The following NAV2 variants were observed in gnomAD, a reference collection of about 807,000 sequenced individuals.
NAV2 encodes helicase, APC down-regulated 1.
NAV2 carries 54 observed loss-of-function variants against 223.2 expected under a neutral mutation model. The observed-to-expected ratio is 0.24, with a 90% CI of 0.19 to 0.30. The LOEUF is 0.30. Among genes scored for constraint, NAV2 ranks in the 10% least tolerant of loss-of-function variants. The pLI is 1.00. For missense variants in NAV2, 2,806 were observed against 3,147.5 expected (o/e 0.89, Z 2.60); for synonymous variants, 1,279 against 1,239.3 (o/e 1.03, Z -0.67).
At chr11:19,930,769 A>G (rs2153257472) in intron 6 of NAV2, among the ~76,000 whole-genome samples, 1 of 152,330 alleles carries the variant, frequency 6.6e-6, no homozygotes, top group South Asian at 2.1e-4. Flanking sequence ...AGGTAAAGGG[A>G]AAGGCAGTTT....
At chr11:20,056,025 G>C in intron 19 of NAV2, 68 bp downstream of exon 19, 2 of 1,440,288 alleles carry the variant, frequency 1.4e-6, no homozygotes, top group East Asian at 2.4e-5. Flanking sequence ...TGTAGTTAAG[G>C]GTCCTCTATG....
At chr11:19,592,100 G>A (rs1438421728) in intron 1 of NAV2, among the ~76,000 whole-genome samples, 1 of 151,280 alleles carries the variant, frequency 6.6e-6, no homozygotes, top group East Asian at 2.0e-4. Flanking sequence ...CTTGAAGCAG[G>A]CCACATAGAG....
At chr11:19,754,338 T>C (rs2054072554) in intron 1 of NAV2, among the ~76,000 whole-genome samples, 2 of 152,132 alleles carry the variant, frequency 1.3e-5, no homozygotes, top group Admixed American at 1.3e-4. Flanking sequence ...CTGCACAAAG[T>C]TGGGAGAAGG....
chr11:19,781,355 A>G (rs2056727588), intron 1 of NAV2, among the ~76,000 whole-genome samples: 2 of 152,176 alleles, frequency 1.3e-5, no homozygotes. Flanking sequence ...TGTTCACTGC[A>G]ATCCCCTCTT....
chr11:19,947,084 G>A (rs1331999785), intron 9 of NAV2, among the ~76,000 whole-genome samples: 2 of 152,218 alleles, frequency 1.3e-5, no homozygotes, highest in Non-Finnish European at 2.9e-5. Context: ...ATTTGGGCAG[G>A]AGGAGGTTTT....
At chr11:19,592,400 C>G (rs1472885080) in intron 1 of NAV2, among the ~76,000 whole-genome samples, 3 of 152,220 alleles carry the variant, frequency 2.0e-5, no homozygotes, top group Non-Finnish European at 4.4e-5. Context: ...GGAAGCCTTC[C>G]TAGATCACCT....
intron 1 of NAV2, among the ~76,000 whole-genome samples, chr11:19,366,530 G>GATCCCTAGGA (rs767112825): frequency 6.6e-6 from 1 of 152,178 alleles, no homozygotes; most frequent in Non-Finnish European, 1.5e-5. Context: ...AAAGGCTTCA[G>GATCCCTAGGA]ATCCCTAGGA....
At chr11:19,885,665 T>C (rs1460030216) in intron 5 of NAV2, among the ~76,000 whole-genome samples, 5 of 152,236 alleles carry the variant, frequency 3.3e-5, no homozygotes, top group African/African-American at 1.2e-4. Context: ...TTAGTATACA[T>C]ATCTATAGGG....
chr11:19,347,490 C>T (rs796590091), upstream of NAV2, among the ~76,000 whole-genome samples: 1 of 152,136 alleles, frequency 6.6e-6, no homozygotes, highest in Non-Finnish European at 1.5e-5. Flanking sequence ...AGTTTGAAGC[C>T]TTTTGGAGGC....
chr11:19,696,928 A>G (rs1404314001), intron 1 of NAV2, among the ~76,000 whole-genome samples: 4 of 152,206 alleles, frequency 2.6e-5, no homozygotes, highest in Non-Finnish European at 5.9e-5. Flanking sequence ...TAATCCTACA[A>G]TATAGATAGT....
chr11:19,675,130 T>TA (rs889057321), intron 1 of NAV2, among the ~76,000 whole-genome samples: 19 of 152,230 alleles, frequency 1.2e-4, no homozygotes, highest in East Asian at 5.8e-4. Context: ...CTTAGCATGG[T>TA]AAAAAAGGCC....
chr11:19,993,456 G>T (rs2051541752), intron 11 of NAV2, among the ~76,000 whole-genome samples: 1 of 152,326 alleles, frequency 6.6e-6, no homozygotes, highest in South Asian at 2.1e-4. Context: ...AAATTCAAAG[G>T]TGAAGGGAAG....
rs148223174 is a variant in NAV2 at position 20,042,109 on chromosome 11, A to G, written c.2908-1872A>G. Among the ~76,000 whole-genome samples the G allele has an allele frequency of 1.1e-3, 160 of 152,288 alleles. No homozygotes were observed. The Middle Eastern group carries it at 0.014, about 13-fold the overall frequency. ...GCCTGGCAGACAGCAAGCATGGAGTAAATTCTGGTTGGATGAATGTACTGG... is the reference window on the plus strand; with the variant it reads ...GCCTGGCAGACAGCAAGCATGGAGTGAATTCTGGTTGGATGAATGTACTGG... On this transcript the variant is annotated intron_variant, in intron 12 of 37. Transcript: ENST00000349880.
At chr11:20,005,672 G>A (rs184328764) in intron 11 of NAV2, among the ~76,000 whole-genome samples, 2 of 152,030 alleles carry the variant, frequency 1.3e-5, no homozygotes, top group Non-Finnish European at 2.9e-5. Context: ...ACTTCATTGT[G>A]CCAGGCAGTG....
intron 1 of NAV2, among the ~76,000 whole-genome samples, chr11:19,750,888 A>C (rs776139603): frequency 1.3e-5 from 2 of 152,180 alleles, no homozygotes; most frequent in Non-Finnish European, 2.9e-5. Flanking sequence ...CACTGTGCTA[A>C]GTGCTTTTTA....
chr11:19,907,364 A>T (rs1007191058), intron 6 of NAV2, among the ~76,000 whole-genome samples: 4 of 152,120 alleles, frequency 2.6e-5, no homozygotes, highest in Non-Finnish European at 5.9e-5. Flanking sequence ...GTTTTTGAAA[A>T]CCAAGGGACC....
intron 10 of NAV2, among the ~76,000 whole-genome samples, chr11:19,977,555 G>A (rs1202027494): frequency 6.6e-6 from 1 of 152,180 alleles, no homozygotes; most frequent in Non-Finnish European, 1.5e-5. Context: ...CAAAGGTTTT[G>A]ATAAATATGC....
intron 12 of NAV2, among the ~76,000 whole-genome samples, chr11:20,042,422 C>G (rs1394560194): frequency 2.0e-5 from 3 of 152,154 alleles, no homozygotes; most frequent in African/African-American, 7.2e-5. Flanking sequence ...CTGTCCCTTG[C>G]CACAGCTGAA....
At chr11:19,720,172 A>C (rs2050641454) in intron 1 of NAV2, among the ~76,000 whole-genome samples, 1 of 152,258 alleles carries the variant, frequency 6.6e-6, no homozygotes, top group Non-Finnish European at 1.5e-5. Context: ...ACCACAGGCC[A>C]AATTCAATGA....
Sources: allele counts gnomAD v4.1 joint callset (sites outside exome capture counted in the v4.1 genomes callset), GRCh38; gene constraint gnomAD v4.1.1; transcripts MANE v1.5; gene names NCBI Gene and HGNC (gene_info 2026-07-23, HGNC 2026-07-21).